MAGI2: variants seen among roughly 807,000 people sequenced by gnomAD.
MAGI2 encodes membrane associated guanylate kinase, WW and PDZ domain containing 2.
In MAGI2, 35 loss-of-function variants were observed where a neutral mutation model predicts 133.3. The observed-to-expected ratio is 0.26, with a 90% CI of 0.20 to 0.35. The LOEUF (loss-of-function observed/expected upper bound fraction) is 0.35, where lower values mean the gene tolerates loss of function less well. Ranked by LOEUF, MAGI2 falls within the 10% of genes least tolerant of loss-of-function variation. The pLI, the probability that MAGI2 is intolerant of heterozygous loss-of-function variation, is 1.00. For missense variants in MAGI2, 1,636 were observed against 1,863.4 expected, an observed-to-expected ratio of 0.88 and a Z score of 2.25; for synonymous variants, 729 against 710.6, an observed-to-expected ratio of 1.03 and a Z score of -0.41.
intron 2 of MAGI2, among the ~76,000 whole-genome samples, chr7:78,754,824 A>G (rs1823792796): frequency 6.6e-6 from 1 of 152,232 alleles, no homozygotes; most frequent in South Asian, 2.1e-4. Flanking sequence ...CACCACTTGC[A>G]TCTTAATTTT....
At chr7:78,790,768 T>C (rs1424505416) in intron 2 of MAGI2, among the ~76,000 whole-genome samples, 1 of 152,086 alleles carries the variant, frequency 6.6e-6, no homozygotes, top group Non-Finnish European at 1.5e-5. Context: ...TTAATAACAA[T>C]ACAAGCAATA....
At chr7:79,389,393 A>T (rs1844440441) in intron 1 of MAGI2, among the ~76,000 whole-genome samples, 1 of 152,118 alleles carries the variant, frequency 6.6e-6, no homozygotes, top group Non-Finnish European at 1.5e-5. Flanking sequence ...TAAAAATAAA[A>T]TATACTTGAA....
intron 5 of MAGI2, among the ~76,000 whole-genome samples, chr7:78,500,072 T>C (rs1327848348): frequency 6.6e-6 from 1 of 152,232 alleles, no homozygotes; most frequent in Admixed American, 6.5e-5. Flanking sequence ...AGGTGAATGC[T>C]ATTGATTCAT....
At position 79,215,273 on chromosome 7, in the gene MAGI2, A is replaced by G. The variant is rs543806526; in HGVS notation, c.302-208067T>C. Among the ~76,000 whole-genome samples the G allele has an allele frequency of 9.9e-5, 15 of 152,154 alleles. No individual in the cohort carries two copies. The South Asian group carries it at 2.9e-3, about 29-fold the overall frequency. On this transcript the variant is annotated intron_variant, in intron 1 of 21. Transcript: ENST00000354212. ...AAAAGCAGGCCTTGAAAGAAATCGAAGTATTTTACCCTGAAATATGTTTCT... is the reference window on the plus strand; with the variant it reads ...AAAAGCAGGCCTTGAAAGAAATCGAGGTATTTTACCCTGAAATATGTTTCT...
At chr7:78,081,475 A>G (rs760020845) in intron 20 of MAGI2, among the ~76,000 whole-genome samples, 1 of 152,210 alleles carries the variant, frequency 6.6e-6, no homozygotes, top group Non-Finnish European at 1.5e-5. Flanking sequence ...CAGAAAGAAC[A>G]GACATCTAAC....
chr7:79,223,981 G>A lies in MAGI2; in HGVS notation c.302-216775C>T, dbSNP rs149762652. 1.3e-3 allele frequency among the ~76,000 whole-genome samples: 203 copies of A among 152,144 alleles called. 1 individual carries two copies. The highest frequency in any genetic ancestry group is 4.7e-3 in the African/African-American group (193 of 41,416). The stretch of plus-strand genomic sequence containing the variant: ...TATTTAGCCTAAACCATGATCATTG[G>A]GAGTGGGCTATTTAATTCTTCTGAA... On this transcript the variant is annotated intron_variant, in intron 1 of 21. Coordinates refer to ENST00000354212, the MANE Select transcript of MAGI2 (RefSeq NM_012301.4).
chr7:79,390,209 C>T (rs988520119), intron 1 of MAGI2, among the ~76,000 whole-genome samples: 6 of 152,106 alleles, frequency 3.9e-5, no homozygotes, highest in Non-Finnish European at 7.3e-5. Flanking sequence ...CTAAAAATGT[C>T]TGAATGACTA....
chr7:78,501,036 C>A (rs1457550108), intron 5 of MAGI2, among the ~76,000 whole-genome samples: 2 of 152,168 alleles, frequency 1.3e-5, no homozygotes, highest in Non-Finnish European at 2.9e-5. Flanking sequence ...TGCTGTGAGC[C>A]GTGATTGTGC....
intron 1 of MAGI2, among the ~76,000 whole-genome samples, chr7:79,064,661 A>G (rs1446676397): frequency 6.6e-6 from 1 of 152,078 alleles, no homozygotes; most frequent in Non-Finnish European, 1.5e-5. Context: ...AAGTTGTGTC[A>G]GAGACTAATT....
intron 2 of MAGI2, among the ~76,000 whole-genome samples, chr7:78,809,918 TA>T (rs1344135605): frequency 6.6e-6 from 1 of 152,188 alleles, no homozygotes; most frequent in African/African-American, 2.4e-5. Flanking sequence ...AAACAATTGG[TA>T]AAGCAATTCC....
At chr7:78,923,913 C>T (rs1799471218) in intron 2 of MAGI2, among the ~76,000 whole-genome samples, 1 of 152,018 alleles carries the variant, frequency 6.6e-6, no homozygotes, top group Non-Finnish European at 1.5e-5. Flanking sequence ...CTTTCACGTC[C>T]CTTGTAAGTT....
At position 79,308,909 on chromosome 7, in the gene MAGI2, A is replaced by G. The variant is rs140950083; in HGVS notation, c.301+144111T>C. Among the ~76,000 whole-genome samples, 783 of 152,322 alleles carry G rather than the reference A, an allele frequency of 5.1e-3. 4 individuals are homozygous for G. Among genetic ancestry groups the G allele is most frequent in the African/African-American group, 0.018 (740 of 41,592 alleles). On this transcript the variant is annotated intron_variant, in intron 1 of 21. Transcript: ENST00000354212. ...AGAATATTTATGAGAATTTCCTAGA[A>G]TACTAATAACCTCAAAATTAATTCA...
Position 79,359,425 on chromosome 7 carries a change from T to C in MAGI2, c.301+93595A>G, listed in dbSNP as rs778164804. Among the ~76,000 whole-genome samples the C allele has an allele frequency of 1.2e-4, 18 of 152,114 alleles. No homozygotes were observed. In the South Asian group the frequency reaches 1.5e-3, roughly 12 times the overall value. ...AAGAGGAAGTGAGGCTGAATAAATA[T>C]TTTAAAAAATAATGCCTGAAAATTC... On this transcript the variant is annotated intron_variant, in intron 1 of 21. Coordinates refer to ENST00000354212, the MANE Select transcript of MAGI2 (RefSeq NM_012301.4).
chr7:79,007,852 C>T (rs954527326), intron 1 of MAGI2, among the ~76,000 whole-genome samples: 1 of 151,682 alleles, frequency 6.6e-6, no homozygotes, highest in Non-Finnish European at 1.5e-5. Flanking sequence ...TGTAGTATAT[C>T]TACAAATGTT....
chr7:79,040,963 T>A, intron 1 of MAGI2, among the ~76,000 whole-genome samples: 1 of 152,194 alleles, frequency 6.6e-6, no homozygotes, highest in East Asian at 1.9e-4. Context: ...CAATAATAGA[T>A]TATATATTTC....
chr7:78,192,812 A>G (rs1828364169), intron 12 of MAGI2, among the ~76,000 whole-genome samples: 1 of 152,148 alleles, frequency 6.6e-6, no homozygotes, highest in Admixed American at 6.5e-5. Flanking sequence ...AACATTAGAG[A>G]GAGCTGATGA....
chr7:79,291,485 T>G (rs1340215793), intron 1 of MAGI2, among the ~76,000 whole-genome samples: 1 of 152,174 alleles, frequency 6.6e-6, no homozygotes, highest in Non-Finnish European at 1.5e-5. Flanking sequence ...TTTGAGGAAA[T>G]GCTAAACTGT....
intron 9 of MAGI2, among the ~76,000 whole-genome samples, chr7:78,259,932 G>A (rs1793357388): frequency 6.6e-6 from 1 of 152,156 alleles, no homozygotes; most frequent in Non-Finnish European, 1.5e-5. Flanking sequence ...GTGTTTCTTA[G>A]TAAGACTGCC....
intron 2 of MAGI2, among the ~76,000 whole-genome samples, chr7:78,681,702 TA>T (rs1303449892): frequency 9.9e-5 from 15 of 152,134 alleles, no homozygotes; most frequent in African/African-American, 3.6e-4. Flanking sequence ...ACACATGTGA[TA>T]AGCGAAGTCA....
Sources: gnomAD v4.1 joint callset for allele counts (sites outside exome capture counted in the v4.1 genomes callset) on GRCh38, gnomAD v4.1.1 for gene constraint, MANE v1.5 for transcripts, NCBI Gene and HGNC (gene_info 2026-07-23, HGNC 2026-07-21) for gene names.